Variants in SCN2A observed in about 807,000 individuals in gnomAD.
SCN2A encodes sodium voltage-gated channel alpha subunit 2.
In SCN2A, 20 loss-of-function variants were observed where a neutral mutation model predicts 188.7. The ratio of observed to expected loss-of-function variants is 0.11; its 90% CI spans 0.07 to 0.15. The LOEUF is 0.15. Among genes scored for constraint, SCN2A ranks in the 10% least tolerant of loss-of-function variants. The pLI, the probability that SCN2A is intolerant of heterozygous loss-of-function variation, is 1.00. For missense variants in SCN2A, 1,278 were observed against 2,445.0 expected (o/e 0.52, Z 10.07); for synonymous variants, 804 against 833.1 (o/e 0.97, Z 0.60).
At chr2:165,348,835 C>A (rs550506482) in intron 16 of SCN2A, among the ~76,000 whole-genome samples, 125 of 152,264 alleles carry the variant, frequency 8.2e-4, no homozygotes, top group Non-Finnish European at 1.6e-3. Context: ...TCTGCAGGAC[C>A]TTTTCCATAG....
intron 1 of SCN2A, among the ~76,000 whole-genome samples, chr2:165,254,684 C>T (rs1436448082): frequency 2.6e-5 from 4 of 151,732 alleles, no homozygotes; most frequent in Non-Finnish European, 5.9e-5. Context: ...CTTTCATAGA[C>T]GTACACATTT....
At chr2:165,355,151 A>T (rs1700117055) in intron 17 of SCN2A, among the ~76,000 whole-genome samples, 1 of 152,210 alleles carries the variant, frequency 6.6e-6, no homozygotes, top group South Asian at 2.1e-4. Context: ...CTCAAGGAAG[A>T]TCTGATTGGG....
At chr2:165,252,587 T>TC (rs1455179591) in intron 1 of SCN2A, among the ~76,000 whole-genome samples, 4 of 151,930 alleles carry the variant, frequency 2.6e-5, no homozygotes, top group African/African-American at 9.7e-5. Flanking sequence ...ACTGGGAAAT[T>TC]CTTGCTGATT....
chr2:165,344,931 T>G lies in SCN2A; in HGVS notation c.2919+20T>G. 3 of 1,613,750 alleles carry G rather than the reference T, an allele frequency of 1.9e-6. No individual in the cohort carries two copies. Among genetic ancestry groups the G allele is most frequent in the Non-Finnish European group, 2.5e-6 (3 of 1,179,644 alleles). On this transcript the variant is annotated intron_variant, in intron 16 of 26. Coordinates refer to ENST00000375437, the MANE Select transcript of SCN2A (RefSeq NM_001040142.2). ...CTAGTGGTATGTAGCAAAAACATTT[T>G]CCTCATTTTCATTAAAAGATAATGT...
chr2:165,297,277 C>A, intron 3 of SCN2A, 142 bp downstream of exon 3: 1 of 624,700 alleles, frequency 1.6e-6, no homozygotes, highest in Non-Finnish European at 2.9e-6. Context: ...TAGCATGTTG[C>A]AAAATGAGAT....
chr2:165,295,676 G>T, intron 1 of SCN2A, 97 bp from the exon 2 acceptor site: 1 of 1,135,610 alleles, frequency 8.8e-7, no homozygotes, highest in Non-Finnish European at 1.3e-6. Context: ...AGCTATCTGA[G>T]TTTCTATGCT....
At chr2:165,283,050 A>G (rs1355406156) in intron 1 of SCN2A, among the ~76,000 whole-genome samples, 1 of 152,242 alleles carries the variant, frequency 6.6e-6, no homozygotes, top group Non-Finnish European at 1.5e-5. Flanking sequence ...CAGTGGCAGA[A>G]GCAAATCATA....
chr2:165,365,049 A>T (rs1700649400), intron 17 of SCN2A, 94 bp from the exon 18 acceptor site: 8 of 1,137,750 alleles, frequency 7.0e-6, no homozygotes, highest in South Asian at 2.8e-5. Context: ...AAGAAAATGC[A>T]TACAGAAGAT....
At chr2:165,271,497 G>T (rs1335338033) in intron 1 of SCN2A, 1 of 152,092 alleles carries the variant, frequency 6.6e-6, no homozygotes, top group Non-Finnish European at 1.5e-5. Context: ...AGCCTGGCTT[G>T]GTGTAACCAA....
chr2:165,249,882 C>T (rs1477208338), intron 1 of SCN2A, among the ~76,000 whole-genome samples: 1 of 152,028 alleles, frequency 6.6e-6, no homozygotes, highest in Admixed American at 6.6e-5. Flanking sequence ...AAAAATTCCA[C>T]TGAATATATT....
At chr2:165,266,788 C>T (rs1197286600) in intron 1 of SCN2A, 1 of 151,952 alleles carries the variant, frequency 6.6e-6, no homozygotes, top group Non-Finnish European at 1.5e-5. Flanking sequence ...TACAAAAAAA[C>T]CTGTTAGAAC....
At chr2:165,387,169 T>A (rs949671290) in intron 26 of SCN2A, among the ~76,000 whole-genome samples, 153 bp downstream of exon 26, 3 of 152,214 alleles carry the variant, frequency 2.0e-5, no homozygotes, top group Admixed American at 6.5e-5. Flanking sequence ...GTTTGCCATT[T>A]CTCTAATTGC....
At chr2:165,289,553 T>C (rs942777806) in intron 1 of SCN2A, among the ~76,000 whole-genome samples, 3 of 152,086 alleles carry the variant, frequency 2.0e-5, no homozygotes, top group African/African-American at 4.8e-5. Context: ...GAATGAAATT[T>C]AAAACCTTCA....
At chr2:165,331,756 G>A (rs151043092) in intron 14 of SCN2A, among the ~76,000 whole-genome samples, 188 bp downstream of exon 14, 2 of 152,208 alleles carry the variant, frequency 1.3e-5, no homozygotes, top group Non-Finnish European at 2.9e-5. Context: ...AAGAATTTAT[G>A]TACAATTTGA....
At chr2:165,296,647 T>C (rs1295354263) in intron 2 of SCN2A, 2 of 184,520 alleles carry the variant, frequency 1.1e-5, no homozygotes, top group South Asian at 1.1e-4. Context: ...AGAACACACC[T>C]GGAAAACCTT....
intron 12 of SCN2A, 33 bp from the exon 13 acceptor site, chr2:165,326,808 GCTTTCAAAAAT>G: frequency 6.2e-7 from 1 of 1,612,038 alleles, no homozygotes; most frequent in Non-Finnish European, 8.5e-7. Context: ...GGGCTTTGCT[GCTTTCAAAAAT>G]AGTGGTTATT....
At chr2:165,302,973 A>C (rs1431542149) in intron 3 of SCN2A, among the ~76,000 whole-genome samples, 2 of 152,250 alleles carry the variant, frequency 1.3e-5, no homozygotes, top group Non-Finnish European at 2.9e-5. Context: ...TTAATAGATT[A>C]AAAAACATCT....
chr2:165,277,650 G>A (rs1344003686), intron 1 of SCN2A, among the ~76,000 whole-genome samples: 1 of 152,126 alleles, frequency 6.6e-6, no homozygotes, highest in East Asian at 1.9e-4. Flanking sequence ...GCAAAGTTTA[G>A]GTTACTTCTG....
intron 20 of SCN2A, chr2:165,372,963 A>C (rs926644829): frequency 1.0e-5 from 3 of 288,970 alleles, no homozygotes; most frequent in Non-Finnish European, 2.0e-5. Context: ...GAAAAAGAGC[A>C]CATATATGGG....
Sources: allele counts gnomAD v4.1 joint callset (sites outside exome capture counted in the v4.1 genomes callset), GRCh38; gene constraint gnomAD v4.1.1; transcripts MANE v1.5; gene names NCBI Gene and HGNC (gene_info 2026-07-23, HGNC 2026-07-21).